Variants in COQ4 observed in about 807,000 individuals in gnomAD.
The protein encoded by COQ4 is coenzyme Q4.
In COQ4, 36 loss-of-function variants were observed where a neutral mutation model predicts 30.2. The observed-to-expected ratio is 1.19, with a 90% confidence interval of 0.91 to 1.57. The LOEUF (loss-of-function observed/expected upper bound fraction) is 1.57, where lower values mean the gene tolerates loss of function less well. Ranked by LOEUF, COQ4 falls within the 40% of genes most tolerant of loss-of-function variation. The pLI is 0.00. For synonymous variants in COQ4, 197 were observed against 161.0 expected, an observed-to-expected ratio of 1.22 and a Z score of -1.69; for missense variants, 369 against 371.9, an observed-to-expected ratio of 0.99 and a Z score of 0.07.
chr9:128,332,076 C>T (rs1399222940), intron 4 of COQ4, 77 bp from the exon 5 acceptor site: 36 of 1,482,150 alleles, frequency 2.4e-5, no homozygotes, highest in East Asian at 5.0e-5. Flanking sequence ...AGAGTTGTGA[C>T]GGTGTCAGAG....
chr9:128,331,915 G>C, intron 4 of COQ4: 1 of 383,906 alleles, frequency 2.6e-6, no homozygotes, highest in Non-Finnish European at 4.8e-6. Context: ...TTTTAGTAGA[G>C]ACAGGGTTTC....
At position 128,332,388 on chromosome 9, in the gene COQ4, A is replaced by T. The variant is rs1204818682; in HGVS notation, c.532+106A>T. On this transcript the variant is annotated intron_variant, in intron 5 of 6. Transcript: ENST00000300452. Reference sequence around the variant, plus strand: ...TCTGCATCACCTGGCTTGGTGCCTCAATTTCTGCTTTACCTGAACATCTTA... The same window carrying T: ...TCTGCATCACCTGGCTTGGTGCCTCTATTTCTGCTTTACCTGAACATCTTA... 6 of 1,252,264 alleles carry T rather than the reference A, an allele frequency of 4.8e-6. No homozygotes were observed. The African/African-American group carries it at 8.9e-5, about 19-fold the overall frequency. 77.6% of individuals were successfully genotyped at this position (1,252,264 alleles called of 1,614,324 possible).
intron 2 of COQ4, among the ~76,000 whole-genome samples, chr9:128,324,241 AG>A (rs1458768078): frequency 6.6e-6 from 1 of 151,668 alleles, no homozygotes; most frequent in African/African-American, 2.4e-5. Context: ...GGCCTCCCAA[AG>A]TGTTGGGATT....
In COQ4 at chr9:128,325,198, G is replaced by A. The variant is rs1489380559; in HGVS notation, c.258G>A (p.Arg86=). The stretch of plus-strand genomic sequence containing the variant: ...GACACCGCACCCTGAAGGTCCTCAG[G>A]GACCAGATGAGGAGGGATCCAGAGG... ...TTGHRTLKVL[R]DQMRRDPEGA... The change falls in exon 3 of 7, where the codon AGG becomes AGA. Residue 86 remains arginine (R), a synonymous_variant. Coordinates refer to ENST00000300452, the MANE Select transcript of COQ4 (RefSeq NM_016035.5). The A allele has an allele frequency of 6.2e-7, 1 of 1,614,024 alleles. No individual in the cohort carries two copies.
At chr9:128,331,895 T>G in intron 4 of COQ4, 9 of 302,488 alleles carry the variant, frequency 3.0e-5, no homozygotes, top group Admixed American at 4.5e-5. Context: ...ACCCGGCTAA[T>G]TTTTGTATTT....
At chr9:128,328,340 C>A (rs921797082) in intron 4 of COQ4, among the ~76,000 whole-genome samples, 1 of 152,236 alleles carries the variant, frequency 6.6e-6, no homozygotes, top group African/African-American at 2.4e-5. Context: ...CTCCCTCCTG[C>A]AACACAGATA....
At chr9:128,331,929 G>C (rs371587271) in intron 4 of COQ4, 1 of 445,968 alleles carries the variant, frequency 2.2e-6, no homozygotes, top group East Asian at 4.0e-5. Context: ...GGGTTTCACC[G>C]TATTGGTCAG....
chr9:128,326,063 A>G (rs1227184365), intron 4 of COQ4, 182 bp downstream of exon 4: 6 of 627,782 alleles, frequency 9.6e-6, no homozygotes, highest in East Asian at 2.7e-5. Flanking sequence ...CATGCCTGCA[A>G]TTGATAATAC....
At position 128,327,504 on chromosome 9, in the gene COQ4, A is replaced by C. The variant is rs551014094; in HGVS notation, c.402+1623A>C. Reference sequence around the variant, plus strand: ...AGGTAAAATGTTTCAAGTAATTAGAATATTCTGGCACTGGTCCATGCGTGT... The same window carrying C: ...AGGTAAAATGTTTCAAGTAATTAGACTATTCTGGCACTGGTCCATGCGTGT... On this transcript the variant is annotated intron_variant, in intron 4 of 6. Transcript: ENST00000300452. Among the ~76,000 whole-genome samples, 21 of 152,188 alleles carry C rather than the reference A, an allele frequency of 1.4e-4. No individual in the cohort carries two copies. In the South Asian group the frequency reaches 2.7e-3, roughly 20 times the overall value.
rs751054834 is a variant in COQ4, at chr9:128,323,023, C to T, written c.78C>T (p.Pro26=). The change falls in exon 2 of 7, where the codon CCC becomes CCT. Residue 26 remains proline, a synonymous_variant. Transcript: ENST00000300452. ...CTTTTTCTTGCCCCGCAGAAATGCC[C>T]CTCCGGGCTAGGAGCGACGGCGCCG... ...PGLQRPAAEM[P]LRARSDGAGP... 3.1e-6 allele frequency: 5 copies of T among 1,611,822 alleles called. No homozygotes were observed. Among genetic ancestry groups the T allele is most frequent in the Middle Eastern group, 1.7e-4 (1 of 6,058 alleles).
intron 4 of COQ4, chr9:128,330,716 C>T (rs530962538): frequency 4.6e-5 from 7 of 152,192 alleles, no homozygotes; most frequent in African/African-American, 1.7e-4. Flanking sequence ...CCGCCCGCCT[C>T]GGCCTCCCAA....
chr9:128,329,056 T>C (rs1564392366), intron 4 of COQ4, among the ~76,000 whole-genome samples: 1 of 152,198 alleles, frequency 6.6e-6, no homozygotes, highest in Non-Finnish European at 1.5e-5. Flanking sequence ...CTGATTTTGG[T>C]GAGAGGTGTG....
chr9:128,326,777 TC>T (rs113269455), intron 4 of COQ4, among the ~76,000 whole-genome samples: 5,215 of 150,562 alleles, frequency 0.035, 286 homozygotes, highest in African/African-American at 0.12. Context: ...TGAGACAGGG[TC>T]CCGCTCTGCC....
At position 128,333,468 on chromosome 9, in the gene COQ4, C is replaced by T. The variant is rs371175246; in HGVS notation, c.627-6C>T. 56 of 1,517,404 alleles carry T rather than the reference C, an allele frequency of 3.7e-5. No homozygotes were observed. Among genetic ancestry groups the T allele is most frequent in the Middle Eastern group, 1.8e-4 (1 of 5,654 alleles). The allele number at this position is 1,517,404 out of a possible 1,614,324, so 94.0% of individuals were successfully genotyped here. A position where few individuals can be genotyped will look rare whatever the true frequency, so the allele number is the denominator to read the frequency against. On this transcript the variant is annotated splice_region_variant and splice_polypyrimidine_tract_variant and intron_variant, in intron 6 of 6. Transcript: ENST00000300452. ...GATGTTTTCTTTTTCCTCTGCTGCCCCACAGGAGCCTGCAAGTGCTGGTCT... is the reference window on the plus strand; with the variant it reads ...GATGTTTTCTTTTTCCTCTGCTGCCTCACAGGAGCCTGCAAGTGCTGGTCT...
chr9:128,322,866 C>T lies in COQ4; in HGVS notation c.8C>T (p.Thr3Ile), dbSNP rs1438595495. MATLLRPVLRRLC... is the reference protein window; with the variant it reads MAILLRPVLRRLC... ...CCGCGGACGCCCGCTGCCATGGCGACTCTGCTGCGCCCTGTCCTCCGTCGG... is the reference window on the plus strand; with the variant it reads ...CCGCGGACGCCCGCTGCCATGGCGATTCTGCTGCGCCCTGTCCTCCGTCGG... Residue 3 changes from threonine to isoleucine, a missense_variant, in exon 1 of 7, where the codon ACT becomes ATT. Physicochemically the swap from Thr to Ile is moderately conservative, Grantham distance 89. Transcript: ENST00000300452. 3 of 1,570,076 alleles carry T rather than the reference C, an allele frequency of 1.9e-6. No homozygotes were observed. The highest frequency in any genetic ancestry group is 1.9e-5 in the Admixed American group (1 of 53,722).
At chr9:128,327,082 G>A (rs1310868545) in intron 4 of COQ4, among the ~76,000 whole-genome samples, 1 of 152,122 alleles carries the variant, frequency 6.6e-6, no homozygotes, top group Non-Finnish European at 1.5e-5. Flanking sequence ...ATATAATGGT[G>A]AACTAGACAG....
intron 1 of COQ4, 38 bp downstream of exon 1, chr9:128,322,966 G>T: frequency 6.2e-7 from 1 of 1,605,794 alleles, no homozygotes; most frequent in African/African-American, 1.3e-5. Context: ...GCGGGAAGGA[G>T]CCTGAGGGCG....
intron 3 of COQ4, 105 bp downstream of exon 3, chr9:128,325,344 C>G: frequency 1.3e-6 from 1 of 787,974 alleles, no homozygotes; most frequent in Admixed American, 2.7e-5. Flanking sequence ...CTTTTGATAC[C>G]CTGGCTACAT....
At chr9:128,325,273 A>G in intron 3 of COQ4, 34 bp downstream of exon 3, 2 of 1,446,736 alleles carry the variant, frequency 1.4e-6, no homozygotes, top group South Asian at 1.2e-5. Flanking sequence ...GTCTGGGGGC[A>G]TTCTCTAGGT....
Sources: allele counts gnomAD v4.1 joint callset (sites outside exome capture counted in the v4.1 genomes callset), GRCh38; gene constraint gnomAD v4.1.1; transcripts MANE v1.5; gene names NCBI Gene and HGNC (gene_info 2026-07-23, HGNC 2026-07-21).